HERC1: variants seen among roughly 807,000 people sequenced by gnomAD.
The protein encoded by HERC1 is HECT and RLD domain containing E3 ubiquitin protein ligase family member 1, also known as probable E3 ubiquitin-protein ligase HERC1.
HERC1 carries 160 observed loss-of-function variants against 554.3 expected under a neutral mutation model. The ratio of observed to expected loss-of-function variants is 0.29; its 90% CI spans 0.25 to 0.33. The LOEUF (loss-of-function observed/expected upper bound fraction) is 0.33. Among genes scored for constraint, HERC1 ranks in the 10% least tolerant of loss-of-function variants. The pLI, the probability that HERC1 is intolerant of heterozygous loss-of-function variation, is 1.00. For synonymous variants in HERC1, 2,175 were observed against 2,131.7 expected (o/e 1.02, Z -0.56); for missense variants, 4,919 against 5,918.5 (o/e 0.83, Z 5.54).
chr15:63,781,941 G>C (rs1293601527), intron 1 of HERC1, among the ~76,000 whole-genome samples: 1 of 152,192 alleles, frequency 6.6e-6, no homozygotes, highest in Non-Finnish European at 1.5e-5. Context: ...TTAAACCAAA[G>C]CCTAAGCCAG....
chr15:63,735,673 C>G (rs2141129602), intron 12 of HERC1, among the ~76,000 whole-genome samples: 1 of 152,200 alleles, frequency 6.6e-6, no homozygotes, highest in East Asian at 1.9e-4. Flanking sequence ...GCTTCTTTAT[C>G]AGTAAAAACA....
intron 77 of HERC1, among the ~76,000 whole-genome samples, chr15:63,611,798 T>C (rs1595810020): frequency 6.6e-6 from 1 of 152,240 alleles, no homozygotes; most frequent in Non-Finnish European, 1.5e-5. Flanking sequence ...CTGCTTGATT[T>C]TTTTCATTAA....
Position 63,758,471 on chromosome 15 carries a change from C to T in HERC1, c.1027-102G>A, listed in dbSNP as rs971112543. ...ATTACTGTTGCCTTTCCTTCCAACACTCTCAAATGCTCAAAGAACCTATTA... is the reference window on the plus strand; with the variant it reads ...ATTACTGTTGCCTTTCCTTCCAACATTCTCAAATGCTCAAAGAACCTATTA... On this transcript the variant is annotated intron_variant, in intron 3 of 77. Coordinates refer to ENST00000443617, the MANE Select transcript of HERC1 (RefSeq NM_003922.4). The surrounding 1 kb of genome is among the most constrained non-coding windows in gnomAD (Gnocchi z 4.0). 7 of 705,704 alleles carry T rather than the reference C, an allele frequency of 9.9e-6. No individual in the cohort carries two copies. Among genetic ancestry groups the T allele is most frequent in the Admixed American group, 5.5e-5 (2 of 36,412 alleles). 43.7% of individuals were successfully genotyped at this position (705,704 alleles called of 1,614,324 possible). A position where few individuals can be genotyped will look rare whatever the true frequency, so the allele number is the denominator to read the frequency against.
intron 70 of HERC1, among the ~76,000 whole-genome samples, chr15:63,627,797 C>T (rs1042719131): frequency 6.6e-6 from 1 of 152,078 alleles, no homozygotes; most frequent in Non-Finnish European, 1.5e-5. Context: ...CAGAAAGGGC[C>T]CACAGTTGGG....
chr15:63,697,597 G>C (rs1244446059), intron 26 of HERC1, among the ~76,000 whole-genome samples: 3 of 152,004 alleles, frequency 2.0e-5, no homozygotes, highest in Admixed American at 2.0e-4. Context: ...TGGGATTACA[G>C]GCATCCACCA....
rs754539328 is a variant in HERC1 at position 63,626,091 on chromosome 15, C to T, written c.13169G>A (p.Arg4390Lys). The change falls in exon 71 of 78, where the codon AGA (arginine) becomes AAA (lysine). Residue 4390 changes from arginine (R) to lysine (K), a missense_variant. Physicochemically the swap from Arg to Lys is conservative, Grantham distance 26. Around this residue, in one of 11 missense-constraint regions of HERC1, gnomAD observed 410 missense variants for 467.0 expected, o/e 0.88. Coordinates refer to ENST00000443617, the MANE Select transcript of HERC1 (RefSeq NM_003922.4). Reference protein sequence around the residue: ...DTVPPQYGALREVSIHTVRAR... With the variant: ...DTVPPQYGALKEVSIHTVRAR... ...CCGCACCGTGTGAATGCTGACTTCTCTCAGCGCCCCATACTGGGGGGGCAC... is the reference window on the plus strand; with the variant it reads ...CCGCACCGTGTGAATGCTGACTTCTTTCAGCGCCCCATACTGGGGGGGCAC... The T allele has an allele frequency of 1.9e-6, 3 of 1,613,784 alleles. No individual in the cohort carries two copies. The highest frequency in any genetic ancestry group is 4.5e-5 in the East Asian group (2 of 44,880).
chr15:63,744,162 G>GTC (rs1567078071), intron 12 of HERC1, among the ~76,000 whole-genome samples: 15 of 35,764 alleles, frequency 4.2e-4, no homozygotes, highest in African/African-American at 6.6e-4. Context: ...GTGTGTGTGT[G>GTC]TGTCTCTCTC....
chr15:63,793,256 C>T (rs1256117502), intron 1 of HERC1, among the ~76,000 whole-genome samples: 2 of 152,144 alleles, frequency 1.3e-5, no homozygotes, highest in Non-Finnish European at 2.9e-5. Context: ...GAGGTCGGCA[C>T]AAGACACAGG....
Position 63,630,500 on chromosome 15 carries a change from T to A in HERC1, c.12932A>T (p.Asp4311Val). The change falls in exon 69 of 78, where the codon GAT (aspartate) becomes GTT (valine). Residue 4311 changes from aspartate (D) to valine (V), a missense_variant. Coordinates refer to ENST00000443617, the MANE Select transcript of HERC1 (RefSeq NM_003922.4). The part of the protein sequence containing the change: ...EHTLALASNG[D>V]VYAWGSNSEG... ...TGAATTGCTCCCCCAGGCATACACA[T>A]CTCCATTTGATGCCAAAGCAAGTGT... 1.2e-6 allele frequency: 2 copies of A among 1,613,916 alleles called. No homozygotes were observed. The highest frequency in any genetic ancestry group is 2.2e-5 in the East Asian group (1 of 44,884).
At chr15:63,726,558 A>G (rs2074048565) in intron 17 of HERC1, among the ~76,000 whole-genome samples, 11 of 152,230 alleles carry the variant, frequency 7.2e-5, no homozygotes, top group Admixed American at 7.2e-4. Flanking sequence ...TGAATATTAC[A>G]AATAACTTTA....
intron 50 of HERC1, 143 bp downstream of exon 50, chr15:63,655,599 A>T (rs371280204): frequency 1.7e-5 from 10 of 603,042 alleles, no homozygotes; most frequent in East Asian, 1.4e-4. Flanking sequence ...ATACACAGTG[A>T]AAAAGTATCT....
intron 1 of HERC1, among the ~76,000 whole-genome samples, chr15:63,822,710 CAAGT>C (rs1232989970): frequency 1.3e-5 from 2 of 151,982 alleles, no homozygotes; most frequent in African/African-American, 4.8e-5. Flanking sequence ...TATAAGAGGT[CAAGT>C]GAGAAAACAA....
chr15:63,614,487 T>C (rs975738298), intron 76 of HERC1, among the ~76,000 whole-genome samples: 1 of 152,200 alleles, frequency 6.6e-6, no homozygotes, highest in Non-Finnish European at 1.5e-5. Context: ...GCTGTGTAAA[T>C]AGCATCACTG....
At chr15:63,751,283 G>A (rs949843733) in intron 8 of HERC1, among the ~76,000 whole-genome samples, 1 of 152,126 alleles carries the variant, frequency 6.6e-6, no homozygotes, top group African/African-American at 2.4e-5. Context: ...ATTTCTGAAG[G>A]TATTCAGTAC....
chr15:63,615,887 C>A lies in HERC1; in HGVS notation c.13975G>T (p.Ala4659Ser). ...IPLDSFVGQS[A>S]DGKMVPIIPG... ...ATTATAGGAACCATTTTGCCATCAG[C>A]ACTCTGGCCAACAAAAGAATCAAGA... is the stretch of plus-strand genomic sequence containing the variant. The change falls in exon 76 of 78, where the codon GCT becomes TCT. Residue 4659 changes from alanine to serine, a missense_variant. By Grantham distance (99) the Ala-to-Ser change is moderately conservative. This residue lies in a region of HERC1 where 284 missense variants were observed against 294.1 expected (regional missense o/e 0.97). Transcript: ENST00000443617. The A allele has an allele frequency of 6.3e-7, 1 of 1,599,370 alleles. No individual in the cohort carries two copies. Among genetic ancestry groups the A allele is most frequent in the Non-Finnish European group, 8.5e-7 (1 of 1,174,550 alleles).
rs567202479 is a variant in HERC1 at position 63,696,394 on chromosome 15, C to T, written c.4906-55G>A. On this transcript the variant is annotated intron_variant, in intron 26 of 77. Coordinates refer to ENST00000443617, the MANE Select transcript of HERC1 (RefSeq NM_003922.4). ...TTCACTTAACTCAGACATGATGAAA[C>T]TCTGTATGCCAAAAACAGTATTTTT... is the stretch of plus-strand genomic sequence containing the variant. 8 of 1,237,130 alleles carry T rather than the reference C, an allele frequency of 6.5e-6. No homozygotes were observed. The African/African-American group carries it at 9.0e-5, about 14-fold the overall frequency. 76.6% of individuals were successfully genotyped at this position (1,237,130 alleles called of 1,614,324 possible).
chr15:63,615,283 T>C (rs950040152), intron 76 of HERC1, among the ~76,000 whole-genome samples: 1 of 152,180 alleles, frequency 6.6e-6, no homozygotes, highest in African/African-American at 2.4e-5. Flanking sequence ...GAAAAAGGCC[T>C]GAGAAGTCTC....
intron 2 of HERC1, among the ~76,000 whole-genome samples, chr15:63,768,028 CTTAA>C (rs2075837633): frequency 7.0e-6 from 1 of 142,810 alleles, no homozygotes; most frequent in Non-Finnish European, 1.5e-5. Flanking sequence ...AATCATTATT[CTTAA>C]TTATTCTCTT....
In HERC1 at chr15:63,616,243, G is replaced by A. The variant is rs2067811456; in HGVS notation, c.13941+187C>T. ...AGGGGGAAGGAGCAACTAAGTGCAG[G>A]AGCCTGCTCTATTAGAAGCTGTTTA... On this transcript the variant is annotated intron_variant, in intron 75 of 77. Coordinates refer to ENST00000443617, the MANE Select transcript of HERC1 (RefSeq NM_003922.4). Among the ~76,000 whole-genome samples the A allele has an allele frequency of 6.1e-5, 3 of 49,544 alleles. No homozygotes were observed. In the South Asian group the frequency reaches 1.0e-3, roughly 17 times the overall value. The allele number at this position is 49,544 out of a possible 152,430, so 32.5% of individuals were successfully genotyped here.
Sources: allele counts gnomAD v4.1 joint callset (sites outside exome capture counted in the v4.1 genomes callset), GRCh38; gene constraint gnomAD v4.1.1; regional missense constraint gnomAD v4.1.1; non-coding constraint Gnocchi (gnomAD v3.1); transcripts MANE v1.5; gene names NCBI Gene and HGNC (gene_info 2026-07-23, HGNC 2026-07-21).